The following ASCC3 variants were observed in gnomAD, a reference collection of about 807,000 sequenced individuals.
ASCC3 encodes the protein activating signal cointegrator 1 complex subunit 3, also known as ASC-1 complex subunit P200.
ASCC3 carries 158 observed loss-of-function variants against 256.3 expected under a neutral mutation model. The observed-to-expected ratio is 0.62, with a 90% CI of 0.54 to 0.70. The LOEUF (loss-of-function observed/expected upper bound fraction) is 0.70, where lower values mean the gene tolerates loss of function less well. ASCC3 is among the 30% of genes least tolerant of loss of function. The pLI is 0.00. For synonymous variants in ASCC3, 948 were observed against 883.4 expected (o/e 1.07, Z -1.30); for missense variants, 2,259 against 2,626.0 (o/e 0.86, Z 3.05).
intron 10 of ASCC3, among the ~76,000 whole-genome samples, chr6:100,743,804 A>C (rs1479479981): frequency 6.6e-6 from 1 of 152,164 alleles, no homozygotes; most frequent in Non-Finnish European, 1.5e-5. Flanking sequence ...CCTACAATAC[A>C]AGATGAAAAG....
At position 100,540,332 on chromosome 6, in the gene ASCC3, C is replaced by T. The variant is rs1469953228; in HGVS notation, c.5606G>A (p.Ser1869Asn). ...AATGGGAAGACATTTTGCCAGTTCACTATTCATATGATCTTCATTGTGTCT... is the reference window on the plus strand; with the variant it reads ...AATGGGAAGACATTTTGCCAGTTCATTATTCATATGATCTTCATTGTGTCT... Reference protein sequence around the residue: ...PVRHNEDHMNSELAKCLPIES... With the variant: ...PVRHNEDHMNNELAKCLPIES... The change falls in exon 37 of 42, where the codon AGT becomes AAT. Residue 1869 changes from serine (S) to asparagine (N), a missense_variant. Ser to Asn is a conservative substitution (Grantham distance 46). Transcript: ENST00000369162. 5.6e-6 allele frequency: 9 copies of T among 1,612,214 alleles called. No individual in the cohort carries two copies. In the African/African-American group the frequency reaches 1.1e-4, roughly 19 times the overall value.
intron 4 of ASCC3, among the ~76,000 whole-genome samples, chr6:100,832,901 T>A (rs964592346): frequency 5.3e-5 from 8 of 151,896 alleles, no homozygotes; most frequent in Non-Finnish European, 1.2e-4. Context: ...AAAGCACCAC[T>A]TAGAAATTTT....
intron 5 of ASCC3, among the ~76,000 whole-genome samples, chr6:100,801,006 G>C (rs909849657): frequency 1.3e-5 from 2 of 151,956 alleles, no homozygotes; most frequent in African/African-American, 4.8e-5. Flanking sequence ...ATTAGCAGTA[G>C]TTCAAGACAT....
intron 8 of ASCC3, among the ~76,000 whole-genome samples, chr6:100,771,348 T>C (rs1324117037): frequency 6.6e-6 from 1 of 152,122 alleles, no homozygotes; most frequent in Admixed American, 6.6e-5. Context: ...TGGAAGAAAT[T>C]CTTTGTGAAT....
chr6:100,608,902 T>G (rs1562163767), intron 30 of ASCC3, among the ~76,000 whole-genome samples: 1 of 146,472 alleles, frequency 6.8e-6, no homozygotes. Flanking sequence ...TAGCTGGGAC[T>G]ACAGGTGCCC....
chr6:100,564,819 C>T (rs184527126), intron 36 of ASCC3, among the ~76,000 whole-genome samples: 1 of 152,016 alleles, frequency 6.6e-6, no homozygotes, highest in East Asian at 1.9e-4. Context: ...ACTAGAGGAA[C>T]TAACTAGGAA....
At chr6:100,643,328 T>G (rs763549794) in intron 23 of ASCC3, among the ~76,000 whole-genome samples, 20 of 152,186 alleles carry the variant, frequency 1.3e-4, no homozygotes, top group Non-Finnish European at 2.4e-4. Flanking sequence ...GTCTTGTGAT[T>G]TATAAAGAAA....
intron 37 of ASCC3, among the ~76,000 whole-genome samples, chr6:100,525,403 T>A (rs536458754): frequency 2.6e-5 from 4 of 151,634 alleles, no homozygotes; most frequent in African/African-American, 9.7e-5. Context: ...TATGGAAAGA[T>A]CATCAAAAAC....
At chr6:100,687,030 TCTCTCA>T (rs1256581514) in intron 13 of ASCC3, among the ~76,000 whole-genome samples, 150 of 129,344 alleles carry the variant, frequency 1.2e-3, no homozygotes, top group African/African-American at 3.5e-3. Flanking sequence ...TCTCTCTCTC[TCTCTCA>T]CACACACACA....
chr6:100,732,540 G>A (rs997621704), intron 10 of ASCC3, among the ~76,000 whole-genome samples: 2 of 151,976 alleles, frequency 1.3e-5, no homozygotes, highest in African/African-American at 4.8e-5. Context: ...TCTTTTAATT[G>A]GAAAAAGAAC....
intron 36 of ASCC3, among the ~76,000 whole-genome samples, chr6:100,587,418 G>A (rs2114766520): frequency 6.6e-6 from 1 of 152,256 alleles, no homozygotes. Flanking sequence ...TACACATAGT[G>A]TTCAATAGTG....
chr6:100,749,002 A>G (rs1780814696), intron 10 of ASCC3, among the ~76,000 whole-genome samples: 1 of 151,988 alleles, frequency 6.6e-6, no homozygotes, highest in Non-Finnish European at 1.5e-5. Flanking sequence ...CTAAAACAGA[A>G]GACATCTGTG....
chr6:100,849,197 C>T (rs116194379), intron 3 of ASCC3, among the ~76,000 whole-genome samples: 3,247 of 152,216 alleles, frequency 0.021, 128 homozygotes, highest in African/African-American at 0.075. Flanking sequence ...TCCCAAAGAA[C>T]TATTTTAGGT....
chr6:100,789,458 G>C (rs1286154585), intron 8 of ASCC3, among the ~76,000 whole-genome samples: 1 of 151,782 alleles, frequency 6.6e-6, no homozygotes, highest in Non-Finnish European at 1.5e-5. Flanking sequence ...TTTGCCAGGG[G>C]GAAATAGTAA....
At position 100,508,513 on chromosome 6, in the gene ASCC3, T is replaced by C. The variant is rs546771926; in HGVS notation, c.*873A>G. The C allele has an allele frequency of 6.6e-6, 1 of 152,320 alleles. No homozygotes were observed. The highest frequency in any genetic ancestry group is 2.1e-4 in the South Asian group (1 of 4,822). The allele number at this position is 152,320 out of a possible 1,614,324, so 9.4% of individuals were successfully genotyped here. A position where few individuals can be genotyped will look rare whatever the true frequency, so the allele number is the denominator to read the frequency against. On this transcript the variant is annotated 3_prime_UTR_variant, in exon 42 of 42. Coordinates refer to ENST00000369162, the MANE Select transcript of ASCC3 (RefSeq NM_006828.4). ...CTATCCATAGGGGTGAAAAATTTTC[T>C]GTCTCAGATTTTTCCTGGAGAGCAT... is the stretch of plus-strand genomic sequence containing the variant.
At position 100,625,322 on chromosome 6, in the gene ASCC3, T is replaced by C. The variant is rs773165595; in HGVS notation, c.4655A>G (p.His1552Arg). The C allele has an allele frequency of 6.2e-7, 1 of 1,612,682 alleles. No individual in the cohort carries two copies. Among genetic ancestry groups the C allele is most frequent in the Admixed American group, 1.7e-5 (1 of 59,858 alleles). The change falls in exon 30 of 42, where the codon CAT becomes CGT. Residue 1552 changes from histidine to arginine, a missense_variant. Coordinates refer to ENST00000369162, the MANE Select transcript of ASCC3 (RefSeq NM_006828.4). The stretch of plus-strand genomic sequence containing the variant: ...TATCAAAACAGGTTTGGCTGGAGAA[T>C]GGCTTCTAATTGCTGTTGAAAAGTT... ...NKPAFQAIRS[H>R]SPAKPVLIFV...
chr6:100,867,400 A>C (rs1338809036), intron 2 of ASCC3, among the ~76,000 whole-genome samples: 1 of 152,232 alleles, frequency 6.6e-6, no homozygotes, highest in Non-Finnish European at 1.5e-5. Context: ...CTTTTAAAAT[A>C]ACAATGTTTC....
At chr6:100,827,217 C>T (rs1481907401) in intron 4 of ASCC3, among the ~76,000 whole-genome samples, 1 of 152,196 alleles carries the variant, frequency 6.6e-6, no homozygotes, top group Non-Finnish European at 1.5e-5. Flanking sequence ...TTACATTCTA[C>T]AAGTTTTAAC....
At chr6:100,717,199 C>T (rs1779126365) in intron 12 of ASCC3, among the ~76,000 whole-genome samples, 1 of 151,914 alleles carries the variant, frequency 6.6e-6, no homozygotes, top group Non-Finnish European at 1.5e-5. Flanking sequence ...TGGTAACAGT[C>T]ACTTTGGATA....
Sources: allele counts gnomAD v4.1 joint callset (sites outside exome capture counted in the v4.1 genomes callset), GRCh38; gene constraint gnomAD v4.1.1; transcripts MANE v1.5; gene names NCBI Gene and HGNC (gene_info 2026-07-23, HGNC 2026-07-21).